Variants in TBC1D5 observed in about 807,000 individuals in gnomAD.
TBC1D5 encodes the protein TBC1 domain family member 5.
Under a neutral mutation model 100.3 loss-of-function variants are expected in TBC1D5, and 75 were observed. The observed-to-expected ratio is 0.75, with a 90% CI of 0.62 to 0.91. The LOEUF (loss-of-function observed/expected upper bound fraction) is 0.91. Among genes scored for constraint, TBC1D5 ranks in the 40% least tolerant of loss-of-function variants. TBC1D5 has a pLI of 0.00. For missense variants in TBC1D5, 910 were observed against 942.4 expected (o/e 0.97, Z 0.45); for synonymous variants, 323 against 325.6 (o/e 0.99, Z 0.09).
chr3:17,642,333 T>C (rs1228374999), intron 1 of TBC1D5, among the ~76,000 whole-genome samples: 1 of 152,086 alleles, frequency 6.6e-6, no homozygotes. Context: ...ACCATATATA[T>C]TATCATGTTT....
intron 1 of TBC1D5, among the ~76,000 whole-genome samples, chr3:17,631,544 C>T (rs1340952187): frequency 2.6e-5 from 4 of 152,108 alleles, no homozygotes; most frequent in African/African-American, 4.8e-5. Flanking sequence ...AAGAAGATGC[C>T]ATTTAGGACT....
At chr3:17,719,213 A>G (rs2075490488) in intron 1 of TBC1D5, among the ~76,000 whole-genome samples, 1 of 152,196 alleles carries the variant, frequency 6.6e-6, no homozygotes, top group Admixed American at 6.5e-5. Context: ...AACTAATAAC[A>G]CTGGTCACCA....
At chr3:17,280,052 T>C (rs1442946323) in intron 15 of TBC1D5, among the ~76,000 whole-genome samples, 1 of 152,220 alleles carries the variant, frequency 6.6e-6, no homozygotes, top group Non-Finnish European at 1.5e-5. Flanking sequence ...CATTCACTCA[T>C]TATTGCAGGT....
chr3:17,528,857 A>C (rs2096177074), intron 2 of TBC1D5, among the ~76,000 whole-genome samples: 1 of 152,218 alleles, frequency 6.6e-6, no homozygotes, highest in Non-Finnish European at 1.5e-5. Flanking sequence ...TGCTAGCTCA[A>C]AACACTACAA....
rs9836978 is a variant in TBC1D5 at position 17,192,855 on chromosome 3, C to T, written c.1753-7647G>A. 2.7e-3 allele frequency among the ~76,000 whole-genome samples: 416 copies of T among 152,388 alleles called. 2 individuals carry two copies. The highest frequency in any genetic ancestry group is 9.3e-3 in the African/African-American group (386 of 41,600). ...AAGCACTGCGGTGTCCCACCGCTGACGTCCTCACTACCAGGGAACACTGGA... is the reference window on the plus strand; with the variant it reads ...AAGCACTGCGGTGTCCCACCGCTGATGTCCTCACTACCAGGGAACACTGGA... On this transcript the variant is annotated intron_variant, in intron 18 of 21. Transcript: ENST00000253692.
chr3:17,198,146 T>C (rs748968108), intron 18 of TBC1D5, among the ~76,000 whole-genome samples: 17 of 152,234 alleles, frequency 1.1e-4, no homozygotes, highest in Non-Finnish European at 2.4e-4. Flanking sequence ...AGTTTTAGTC[T>C]AGACATCATG....
intron 17 of TBC1D5, among the ~76,000 whole-genome samples, chr3:17,225,404 A>G (rs1576102501): frequency 6.9e-6 from 1 of 144,992 alleles, no homozygotes; most frequent in East Asian, 2.0e-4. Flanking sequence ...GCATCACTGC[A>G]CTCCAGTCTG....
At chr3:17,377,818 C>T (rs1380601650) in intron 9 of TBC1D5, among the ~76,000 whole-genome samples, 1 of 151,820 alleles carries the variant, frequency 6.6e-6, no homozygotes, top group African/African-American at 2.4e-5. Flanking sequence ...TATATTTTTA[C>T]AAAACAATTT....
At chr3:17,284,290 G>T (rs868122639) in intron 15 of TBC1D5, among the ~76,000 whole-genome samples, 2 of 151,994 alleles carry the variant, frequency 1.3e-5, no homozygotes, top group Non-Finnish European at 2.9e-5. Flanking sequence ...GCTAATTTTT[G>T]TATTTTTAAT....
intron 1 of TBC1D5, among the ~76,000 whole-genome samples, chr3:17,680,073 A>G (rs533433599): frequency 6.6e-6 from 1 of 151,608 alleles, no homozygotes; most frequent in Non-Finnish European, 1.5e-5. Context: ...AACAATAGAA[A>G]AAAGTCTGAA....
chr3:17,289,524 C>A (rs2081508725), intron 15 of TBC1D5, among the ~76,000 whole-genome samples: 1 of 151,872 alleles, frequency 6.6e-6, no homozygotes, highest in African/African-American at 2.4e-5. Context: ...GTCCCAGCTA[C>A]TCAGGAGGGT....
intron 13 of TBC1D5, among the ~76,000 whole-genome samples, chr3:17,352,591 A>C (rs930940647): frequency 6.6e-6 from 1 of 150,934 alleles, no homozygotes; most frequent in African/African-American, 2.4e-5. Context: ...ATGTGTCATA[A>C]ATCAACTTCA....
rs551179912 is a variant in TBC1D5, at chr3:17,476,785, C to G, written c.97+31689G>C. 2.8e-4 allele frequency among the ~76,000 whole-genome samples: 43 copies of G among 151,974 alleles called. 2 individuals are homozygous for G. The Middle Eastern group carries it at 0.01, about 36-fold the overall frequency. On this transcript the variant is annotated intron_variant, in intron 3 of 21. Coordinates refer to ENST00000253692, the Ensembl canonical transcript of TBC1D5. ...TCTTAAATGTCTTCCAATGAAGTTT[C>G]ATAACGTTCTCCACAAAAACTACCA...
chr3:17,606,527 A>C (rs1308039926), intron 2 of TBC1D5, among the ~76,000 whole-genome samples: 1 of 152,212 alleles, frequency 6.6e-6, no homozygotes, highest in Non-Finnish European at 1.5e-5. Context: ...AGTGTAATTA[A>C]TGATAATGCA....
chr3:17,644,285 C>A (rs2064810015), intron 1 of TBC1D5, among the ~76,000 whole-genome samples: 1 of 152,088 alleles, frequency 6.6e-6, no homozygotes. Context: ...ATACTTCAGT[C>A]TTACACTGAG....
At chr3:17,647,286 A>T (rs1303932144) in intron 1 of TBC1D5, among the ~76,000 whole-genome samples, 3 of 152,134 alleles carry the variant, frequency 2.0e-5, no homozygotes, top group African/African-American at 4.8e-5. Flanking sequence ...TCCTACCCTC[A>T]TGAAGCTTAC....
intron 3 of TBC1D5, among the ~76,000 whole-genome samples, chr3:17,441,309 G>A (rs1446304): frequency 1 from 152,257 of 152,280 alleles, 76,117 homozygotes; most frequent in Middle Eastern, 1. Flanking sequence ...AAACACAAGA[G>A]AATAAATTTG....
chr3:17,236,274 G>C (rs1043801595), intron 17 of TBC1D5, among the ~76,000 whole-genome samples: 1 of 152,210 alleles, frequency 6.6e-6, no homozygotes, highest in East Asian at 1.9e-4. Context: ...ACTGACTACA[G>C]CTTGTTATCA....
At chr3:17,691,969 C>T (rs1431032532) in intron 1 of TBC1D5, among the ~76,000 whole-genome samples, 1 of 150,364 alleles carries the variant, frequency 6.7e-6, no homozygotes, top group Non-Finnish European at 1.5e-5. Flanking sequence ...AGAGCCATCA[C>T]AAAAAAGACA....
Sources: allele counts gnomAD v4.1 joint callset (sites outside exome capture counted in the v4.1 genomes callset), GRCh38; gene constraint gnomAD v4.1.1; transcripts MANE v1.5; gene names NCBI Gene and HGNC (gene_info 2026-07-23, HGNC 2026-07-21).